Variants in MACROD2 observed in about 807,000 individuals in gnomAD.
MACROD2 encodes the protein mono-ADP ribosylhydrolase 2, also known as ADP-ribose glycohydrolase MACROD2.
MACROD2 carries 36 observed loss-of-function variants against 70.4 expected under a neutral mutation model. The observed-to-expected ratio is 0.51, with a 90% CI of 0.39 to 0.68. The LOEUF is 0.68. MACROD2 is among the 30% of genes least tolerant of loss of function. The pLI is 0.00. For missense variants in MACROD2, 496 were observed against 538.4 expected (o/e 0.92, Z 0.78); for synonymous variants, 172 against 178.8 (o/e 0.96, Z 0.30).
chr20:15,564,254 A>G (rs1272212647), intron 8 of MACROD2, among the ~76,000 whole-genome samples: 3 of 152,102 alleles, frequency 2.0e-5, no homozygotes, highest in Non-Finnish European at 4.4e-5. Flanking sequence ...ACCTTCGCTC[A>G]TTTTTGTCAC....
At chr20:15,570,580 C>T (rs2048364553) in intron 8 of MACROD2, among the ~76,000 whole-genome samples, 3 of 152,196 alleles carry the variant, frequency 2.0e-5, no homozygotes, top group Admixed American at 1.3e-4. Flanking sequence ...CACTTGGATT[C>T]AGCACTCAAA....
At chr20:14,964,991 A>C (rs1458675778) in intron 5 of MACROD2, among the ~76,000 whole-genome samples, 1 of 152,248 alleles carries the variant, frequency 6.6e-6, no homozygotes, top group Non-Finnish European at 1.5e-5. Context: ...ATATGGAATT[A>C]GAAATAATAG....
chr20:14,024,046 TC>T (rs1186848823), intron 2 of MACROD2, among the ~76,000 whole-genome samples: 2 of 152,236 alleles, frequency 1.3e-5, no homozygotes, highest in Non-Finnish European at 1.5e-5. Flanking sequence ...GGAATGTTTT[TC>T]CATTTGTTTG....
In MACROD2 at chr20:15,262,665, C is replaced by G. The variant is rs905732119; in HGVS notation, c.540+32604C>G. ...TTATACTAATTTGCATTCCCACCAA[C>G]AGTGTACAAGGACTCCCTTTTCTCC... On this transcript the variant is annotated intron_variant, in intron 6 of 17. Transcript: ENST00000684519. Among the ~76,000 whole-genome samples, 9 of 152,218 alleles carry G rather than the reference C, an allele frequency of 5.9e-5. No homozygotes were observed. The South Asian group carries it at 6.2e-4, about 11-fold the overall frequency.
At chr20:14,658,770 T>C (rs1568724257) in intron 4 of MACROD2, among the ~76,000 whole-genome samples, 3 of 152,108 alleles carry the variant, frequency 2.0e-5, no homozygotes, top group Non-Finnish European at 4.4e-5. Context: ...CATGCTGCCA[T>C]GCCCGGCAAG....
At chr20:14,002,792 AAGAG>A (rs980326706) in intron 2 of MACROD2, among the ~76,000 whole-genome samples, 1 of 152,288 alleles carries the variant, frequency 6.6e-6, no homozygotes, top group African/African-American at 2.4e-5. Flanking sequence ...ATACAGCTGA[AAGAG>A]AGAGTATATT....
At chr20:15,917,767 A>C (rs968203697) in intron 10 of MACROD2, among the ~76,000 whole-genome samples, 1 of 152,166 alleles carries the variant, frequency 6.6e-6, no homozygotes, top group Non-Finnish European at 1.5e-5. Flanking sequence ...ATTAGTAAGA[A>C]ATGTATTACT....
chr20:15,634,376 T>A (rs2049334390), intron 8 of MACROD2, among the ~76,000 whole-genome samples: 1 of 152,226 alleles, frequency 6.6e-6, no homozygotes, highest in Non-Finnish European at 1.5e-5. Flanking sequence ...ATCAGAAATG[T>A]CTTTATTATT....
intron 3 of MACROD2, among the ~76,000 whole-genome samples, chr20:14,276,998 C>G (rs2122386582): frequency 6.6e-6 from 1 of 152,208 alleles, no homozygotes; most frequent in East Asian, 1.9e-4. Flanking sequence ...ATTCTAGTTC[C>G]CAGGTTTACA....
At chr20:14,746,719 C>T (rs150031441) in intron 5 of MACROD2, among the ~76,000 whole-genome samples, 13 of 152,198 alleles carry the variant, frequency 8.5e-5, no homozygotes, top group Non-Finnish European at 1.6e-4. Flanking sequence ...AAACCATTAA[C>T]GCATTAATGT....
At chr20:14,963,457 A>G (rs1458650174) in intron 5 of MACROD2, among the ~76,000 whole-genome samples, 1 of 152,048 alleles carries the variant, frequency 6.6e-6, no homozygotes, top group East Asian at 1.9e-4. Flanking sequence ...CAGAGTCCCG[A>G]CCTCCATGGC....
At chr20:16,000,582 T>C (rs2066696188) in intron 15 of MACROD2, among the ~76,000 whole-genome samples, 2 of 152,220 alleles carry the variant, frequency 1.3e-5, no homozygotes, top group Admixed American at 6.5e-5. Flanking sequence ...CTTAGAATAA[T>C]AGTTTAAGTT....
rs547805095 is a variant in MACROD2, at chr20:15,468,672, A to AT, written c.572-31096dup. On this transcript the variant is annotated intron_variant, in intron 7 of 17. Transcript: ENST00000684519. Reference sequence around the variant, plus strand: ...ACTTTGCCTTTTGTGTGCTTCTTTTATTTTTTCTATTATCCGTCTTCTGCT... The same window carrying AT: ...ACTTTGCCTTTTGTGTGCTTCTTTTATTTTTTTCTATTATCCGTCTTCTGCT... 2.3e-3 allele frequency among the ~76,000 whole-genome samples: 344 copies of AT among 152,032 alleles called. 3 individuals are homozygous for AT. The highest frequency in any genetic ancestry group is 3.5e-3 in the Non-Finnish European group (235 of 67,982).
intron 8 of MACROD2, among the ~76,000 whole-genome samples, chr20:15,672,720 T>A (rs961005947): frequency 3.3e-5 from 5 of 152,196 alleles, no homozygotes; most frequent in Admixed American, 6.5e-5. Flanking sequence ...AGAGGCCGTC[T>A]GCCCTTTCCT....
chr20:14,032,091 T>C (rs992599571), intron 2 of MACROD2, among the ~76,000 whole-genome samples: 2 of 152,130 alleles, frequency 1.3e-5, no homozygotes, highest in Admixed American at 6.5e-5. Context: ...AATTTATTAT[T>C]GTACATGGTG....
intron 5 of MACROD2, among the ~76,000 whole-genome samples, chr20:15,000,625 G>A (rs796903649): frequency 0.01 from 494 of 47,240 alleles, 16 homozygotes; most frequent in African/African-American, 0.066. Flanking sequence ...GCGAGACTCC[G>A]TCTCAAAAAA....
chr20:15,645,786 G>T (rs1013978121), intron 8 of MACROD2, among the ~76,000 whole-genome samples: 1 of 152,198 alleles, frequency 6.6e-6, no homozygotes, highest in Non-Finnish European at 1.5e-5. Context: ...CAGGCTGAAT[G>T]CATGGCTAGG....
intron 6 of MACROD2, among the ~76,000 whole-genome samples, chr20:15,253,475 A>G (rs2077172867): frequency 1.3e-5 from 2 of 152,198 alleles, no homozygotes; most frequent in Non-Finnish European, 2.9e-5. Flanking sequence ...TGTTAAATCT[A>G]TGTGCAAAGC....
intron 6 of MACROD2, among the ~76,000 whole-genome samples, chr20:15,394,068 T>C (rs2045828613): frequency 6.6e-6 from 1 of 152,188 alleles, no homozygotes; most frequent in African/African-American, 2.4e-5. Flanking sequence ...AGGCTTATCG[T>C]TGGAAGTGTC....
Sources: gnomAD v4.1 joint callset for allele counts (sites outside exome capture counted in the v4.1 genomes callset) on GRCh38, gnomAD v4.1.1 for gene constraint, MANE v1.5 for transcripts, NCBI Gene and HGNC (gene_info 2026-07-23, HGNC 2026-07-21) for gene names.